The following ADD1 variants were observed in gnomAD, a reference collection of about 807,000 sequenced individuals.
ADD1 encodes alpha-adducin.
In ADD1, 24 loss-of-function variants were observed where a neutral mutation model predicts 80.5. The ratio of observed to expected loss-of-function variants is 0.30; its 90% confidence interval spans 0.22 to 0.42. ADD1 has a LOEUF of 0.42. Ranked by LOEUF, ADD1 falls within the 10% of genes least tolerant of loss-of-function variation. The pLI is 1.00. For missense variants in ADD1, 948 were observed against 1,019.0 expected (o/e 0.93, Z 0.95); for synonymous variants, 373 against 393.8 (o/e 0.95, Z 0.63).
intron 1 of ADD1, among the ~76,000 whole-genome samples, chr4:2,863,734 T>G (rs1048684618): frequency 4.6e-5 from 7 of 152,022 alleles, no homozygotes; most frequent in Non-Finnish European, 8.8e-5. Flanking sequence ...TTGTTTTGTT[T>G]TGTTGTTTTG....
chr4:2,912,611 C>T (rs1180326220), intron 13 of ADD1, among the ~76,000 whole-genome samples: 3 of 152,190 alleles, frequency 2.0e-5, no homozygotes, highest in African/African-American at 4.8e-5. Flanking sequence ...ACTGCAGCCT[C>T]GACCTCTCAG....
At chr4:2,922,501 TCCTC>T (rs1306644921) in intron 14 of ADD1, among the ~76,000 whole-genome samples, 1 of 152,204 alleles carries the variant, frequency 6.6e-6, no homozygotes, top group Non-Finnish European at 1.5e-5. Flanking sequence ...GCCTGTTCCT[TCCTC>T]TGGAAGTTTC....
At chr4:2,894,388 C>T (rs1024142079) in intron 5 of ADD1, among the ~76,000 whole-genome samples, 194 bp from the exon 6 acceptor site, 1 of 151,512 alleles carries the variant, frequency 6.6e-6, no homozygotes. Context: ...GGTACCCCAA[C>T]TCTACAAAAA....
At chr4:2,881,225 C>T (rs1732275052) in intron 2 of ADD1, among the ~76,000 whole-genome samples, 1 of 151,418 alleles carries the variant, frequency 6.6e-6, no homozygotes, top group South Asian at 2.1e-4. Context: ...TTACAGGCGC[C>T]CACCACCACG....
chr4:2,901,039 G>A (rs891385786), intron 9 of ADD1: 1 of 152,772 alleles, frequency 6.5e-6, no homozygotes, highest in Non-Finnish European at 1.5e-5. Context: ...AAGGAGGTAG[G>A]AAGAGGAGCA....
At chr4:2,853,908 T>C (rs1290822982) in intron 1 of ADD1, among the ~76,000 whole-genome samples, 4 of 152,332 alleles carry the variant, frequency 2.6e-5, no homozygotes, top group African/African-American at 4.8e-5. Context: ...CTGGCCGTTA[T>C]TATGTTTTAA....
At chr4:2,922,936 G>C (rs1740313504) in intron 14 of ADD1, among the ~76,000 whole-genome samples, 1 of 152,210 alleles carries the variant, frequency 6.6e-6, no homozygotes, top group Non-Finnish European at 1.5e-5. Flanking sequence ...TGTTTACACT[G>C]TGAGGGGAAA....
In ADD1 at chr4:2,909,405, C is replaced by T. The variant is rs1017919428; in HGVS notation, c.1765C>T (p.Pro589Ser). The change falls in exon 13 of 16, where the codon CCC becomes TCC. Residue 589 changes from proline (P) to serine (S), a missense_variant. Physicochemically the swap from Pro to Ser is moderately conservative, Grantham distance 74. Transcript: ENST00000683351. ...CGAGCTTACAGAGCAGACCTTTAGTCCCGCTAAATCTCTCTCTTTTAGAAA... is the reference window on the plus strand; with the variant it reads ...CGAGCTTACAGAGCAGACCTTTAGTTCCGCTAAATCTCTCTCTTTTAGAAA... The part of the protein sequence containing the change: ...GLELTEQTFS[P>S]AKSLSFRKGE... 1.3e-6 allele frequency: 2 copies of T among 1,550,250 alleles called. No homozygotes were observed. Among genetic ancestry groups the T allele is most frequent in the African/African-American group, 2.7e-5 (2 of 72,978 alleles).
chr4:2,900,977 G>GCAGT (rs1427057412), intron 9 of ADD1: 8 of 152,536 alleles, frequency 5.2e-5, no homozygotes, highest in African/African-American at 1.7e-4. Context: ...TGTGATCTGT[G>GCAGT]CAGTCATAGG....
At chr4:2,877,538 A>G (rs1166993255) in intron 2 of ADD1, among the ~76,000 whole-genome samples, 3 of 151,988 alleles carry the variant, frequency 2.0e-5, no homozygotes, top group Non-Finnish European at 4.4e-5. Flanking sequence ...AAGGAAATAA[A>G]CAATAAAGAA....
At chr4:2,858,514 A>G (rs1374045122) in intron 1 of ADD1, among the ~76,000 whole-genome samples, 1 of 152,250 alleles carries the variant, frequency 6.6e-6, no homozygotes, top group Non-Finnish European at 1.5e-5. Context: ...ACATTTATTA[A>G]TCAGCATTGC....
chr4:2,849,655 T>A (rs1726771706), intron 1 of ADD1, among the ~76,000 whole-genome samples: 1 of 152,240 alleles, frequency 6.6e-6, no homozygotes, highest in African/African-American at 2.4e-5. Context: ...TCTGAAGGGC[T>A]TAATTTAAAT....
chr4:2,922,538 A>C (rs1740228010), intron 14 of ADD1, among the ~76,000 whole-genome samples: 1 of 152,206 alleles, frequency 6.6e-6, no homozygotes, highest in African/African-American at 2.4e-5. Flanking sequence ...CACCTGCCAG[A>C]TGCCAGCTGG....
chr4:2,854,716 G>C (rs1577431905), intron 1 of ADD1: 1 of 152,060 alleles, frequency 6.6e-6, no homozygotes, highest in Admixed American at 6.6e-5. Context: ...TTTGGTGTTT[G>C]CCTGGTATTT....
intron 10 of ADD1, 185 bp from the exon 11 acceptor site, chr4:2,907,558 T>G: frequency 1.8e-6 from 1 of 548,940 alleles, no homozygotes; most frequent in Admixed American, 3.0e-5. Flanking sequence ...TAACTGGTCT[T>G]TATGTGGCTG....
intron 1 of ADD1, among the ~76,000 whole-genome samples, chr4:2,852,331 T>C (rs1158104670): frequency 3.7e-5 from 5 of 136,612 alleles, no homozygotes; most frequent in Non-Finnish European, 7.8e-5. Context: ...TTTTCTTTCT[T>C]TTTTTTTTTT....
At chr4:2,927,239 A>G (rs775394213) in intron 15 of ADD1, among the ~76,000 whole-genome samples, 31 of 152,026 alleles carry the variant, frequency 2.0e-4, no homozygotes, top group Non-Finnish European at 4.0e-4. Context: ...CCTCAGGGGG[A>G]GCGGCGCCTG....
intron 13 of ADD1, 64 bp downstream of exon 13, chr4:2,909,495 C>T (rs546042202): frequency 2.4e-5 from 26 of 1,098,760 alleles, no homozygotes; most frequent in African/African-American, 1.2e-4. Context: ...CCCCCCTCCC[C>T]GTCTCCTCTC....
chr4:2,877,601 G>A (rs1272006267), intron 2 of ADD1, among the ~76,000 whole-genome samples: 1 of 152,054 alleles, frequency 6.6e-6, no homozygotes, highest in Non-Finnish European at 1.5e-5. Context: ...AAGTGTGACT[G>A]TGGTCAGAAA....
Sources: allele counts gnomAD v4.1 joint callset (sites outside exome capture counted in the v4.1 genomes callset), GRCh38; gene constraint gnomAD v4.1.1; transcripts MANE v1.5; gene names NCBI Gene and HGNC (gene_info 2026-07-23, HGNC 2026-07-21).